ADARB2: variants seen among roughly 807,000 people sequenced by gnomAD.
ADARB2 encodes inactive double-stranded RNA-specific editase B2.
In ADARB2, 25 loss-of-function variants were observed where a neutral mutation model predicts 62.2. The ratio of observed to expected loss-of-function variants is 0.40; its 90% CI spans 0.29 to 0.56. ADARB2 has a LOEUF of 0.56. Ranked by LOEUF, ADARB2 falls within the 20% of genes least tolerant of loss-of-function variation. ADARB2 has a pLI of 0.43. For missense variants in ADARB2, 1,071 were observed against 1,077.4 expected, an observed-to-expected ratio of 0.99 and a Z score of 0.08; for synonymous variants, 572 against 500.8, an observed-to-expected ratio of 1.14 and a Z score of -1.90.
chr10:1,406,939 C>T (rs539198244), intron 1 of ADARB2, among the ~76,000 whole-genome samples: 50 of 152,320 alleles, frequency 3.3e-4, no homozygotes, highest in Non-Finnish European at 5.6e-4. Context: ...AGCAGCCCAT[C>T]CCCATCCTCC....
At chr10:1,692,388 G>A (rs762066981) in intron 1 of ADARB2, among the ~76,000 whole-genome samples, 2 of 152,176 alleles carry the variant, frequency 1.3e-5, no homozygotes, top group Non-Finnish European at 2.9e-5. Flanking sequence ...GGCCGTCACC[G>A]GGAGCCTGAG....
At chr10:1,264,532 A>G (rs893060234) in intron 4 of ADARB2, among the ~76,000 whole-genome samples, 7 of 152,218 alleles carry the variant, frequency 4.6e-5, no homozygotes, top group African/African-American at 1.7e-4. Flanking sequence ...ATCTGGTACA[A>G]CACAATAACA....
At chr10:1,532,044 C>A (rs1334376353) in intron 1 of ADARB2, among the ~76,000 whole-genome samples, 2 of 152,170 alleles carry the variant, frequency 1.3e-5, no homozygotes, top group African/African-American at 4.8e-5. Context: ...TGATTTGAAT[C>A]AGAGCAAAAC....
intron 3 of ADARB2, among the ~76,000 whole-genome samples, chr10:1,300,486 A>G (rs1264981273): frequency 2.0e-5 from 3 of 152,138 alleles, no homozygotes; most frequent in Admixed American, 6.5e-5. Context: ...TCCTCCACTA[A>G]TCAATTCCCC....
chr10:1,467,528 T>A (rs1471736978), intron 1 of ADARB2, among the ~76,000 whole-genome samples: 1 of 152,142 alleles, frequency 6.6e-6, no homozygotes, highest in Non-Finnish European at 1.5e-5. Context: ...TGGCTCAGGA[T>A]GGAGACTCAG....
intron 1 of ADARB2, among the ~76,000 whole-genome samples, chr10:1,606,388 G>A (rs74108952): frequency 0.16 from 24,939 of 152,198 alleles, 2,238 homozygotes; most frequent in South Asian, 0.22. Flanking sequence ...TGAGGAGTGT[G>A]AAAGAATGCT....
intron 3 of ADARB2, among the ~76,000 whole-genome samples, chr10:1,283,494 G>A (rs1296617837): frequency 6.6e-6 from 1 of 152,250 alleles, no homozygotes; most frequent in Non-Finnish European, 1.5e-5. Context: ...TGTCCATCAT[G>A]AGAATAACTG....
At chr10:1,678,443 G>A (rs1448150136) in intron 1 of ADARB2, 3 of 661,668 alleles carry the variant, frequency 4.5e-6, no homozygotes, top group African/African-American at 2.0e-5. Context: ...GGACAGTAAC[G>A]AACACAGGGT....
intron 1 of ADARB2, among the ~76,000 whole-genome samples, chr10:1,579,521 G>A (rs540172692): frequency 2.4e-4 from 37 of 152,266 alleles, no homozygotes; most frequent in South Asian, 2.1e-3. Context: ...CAATGAAAGC[G>A]ATCCCTTTCT....
At chr10:1,472,083 T>C (rs1442049976) in intron 1 of ADARB2, among the ~76,000 whole-genome samples, 4 of 152,196 alleles carry the variant, frequency 2.6e-5, no homozygotes, top group African/African-American at 4.8e-5. Flanking sequence ...ACATTGAGCC[T>C]CTACTGAGTG....
At chr10:1,300,724 CAT>C (rs1274016817) in intron 3 of ADARB2, among the ~76,000 whole-genome samples, 1 of 152,186 alleles carries the variant, frequency 6.6e-6, no homozygotes, top group Non-Finnish European at 1.5e-5. Flanking sequence ...AAAATCAAAA[CAT>C]ACAGATGTGA....
At chr10:1,665,703 G>T (rs965227427) in intron 1 of ADARB2, among the ~76,000 whole-genome samples, 2 of 152,260 alleles carry the variant, frequency 1.3e-5, no homozygotes, top group African/African-American at 4.8e-5. Context: ...AAGAGAAAAA[G>T]GAGTGATGGC....
rs117099560 is a variant in ADARB2 at position 1,682,998 on chromosome 10, T to C, written c.100+54053A>G. 1.2e-4 allele frequency among the ~76,000 whole-genome samples: 18 copies of C among 152,268 alleles called. No individual in the cohort carries two copies. In the East Asian group the frequency reaches 3.5e-3, roughly 29 times the overall value. On this transcript the variant is annotated intron_variant, in intron 1 of 9. Transcript: ENST00000381312. ...CCGCGGAGGTGGGCTAAGAAGCACGTGGTTATCGAACGTTGTCATTCATCA... is the reference window on the plus strand; with the variant it reads ...CCGCGGAGGTGGGCTAAGAAGCACGCGGTTATCGAACGTTGTCATTCATCA...
chr10:1,326,848 GCCTCCCCACT>G (rs1831857078), intron 3 of ADARB2, among the ~76,000 whole-genome samples: 1 of 73,184 alleles, frequency 1.4e-5, no homozygotes. Flanking sequence ...ACGGCCCAGC[GCCTCCCCACT>G]GCCCAGCGCC....
At chr10:1,366,768 C>A (rs1195086655) in intron 2 of ADARB2, among the ~76,000 whole-genome samples, 1 of 152,202 alleles carries the variant, frequency 6.6e-6, no homozygotes, top group African/African-American at 2.4e-5. Flanking sequence ...TGAAGCTGAG[C>A]CCACAGGCTG....
At chr10:1,456,635 C>T (rs1481186512) in intron 1 of ADARB2, among the ~76,000 whole-genome samples, 2 of 152,200 alleles carry the variant, frequency 1.3e-5, no homozygotes, top group South Asian at 2.1e-4. Context: ...TGGAATTAAT[C>T]ATCAAGGTGT....
Position 1,223,313 on chromosome 10 carries a change from T to TG in ADARB2, c.1514-6195dup, listed in dbSNP as rs564394892. On this transcript the variant is annotated intron_variant, in intron 6 of 9. Transcript: ENST00000381312. Reference sequence around the variant, plus strand: ...GTTGCTTATCAGCTTGAGGGAATTTTGGGCTGAGACGATGGGGTTTTCTAG... The same window carrying TG: ...GTTGCTTATCAGCTTGAGGGAATTTTGGGGCTGAGACGATGGGGTTTTCTAG... 2.0e-3 allele frequency among the ~76,000 whole-genome samples: 312 copies of TG among 152,360 alleles called. 1 individual carries two copies. The highest frequency in any genetic ancestry group is 7.1e-3 in the African/African-American group (296 of 41,588).
chr10:1,498,660 A>T (rs1449341260), intron 1 of ADARB2, among the ~76,000 whole-genome samples: 1 of 152,236 alleles, frequency 6.6e-6, no homozygotes, highest in African/African-American at 2.4e-5. Flanking sequence ...TGACACATGC[A>T]GTAACATGGA....
intron 7 of ADARB2, among the ~76,000 whole-genome samples, chr10:1,212,222 G>A (rs551548483): frequency 6.6e-6 from 1 of 152,302 alleles, no homozygotes; most frequent in Non-Finnish European, 1.5e-5. Context: ...TTTTGTTTTT[G>A]TGCAGGATAG....
Sources: allele counts gnomAD v4.1 joint callset (sites outside exome capture counted in the v4.1 genomes callset), GRCh38; gene constraint gnomAD v4.1.1; transcripts MANE v1.5; gene names NCBI Gene and HGNC (gene_info 2026-07-23, HGNC 2026-07-21).